Variants in GRID2 observed in about 807,000 individuals in gnomAD.
GRID2 encodes glutamate ionotropic receptor delta type subunit 2.
A neutral mutation model predicts 114.8 loss-of-function variants in GRID2; 33 were observed. That is an observed-to-expected ratio of 0.29 (90% confidence interval 0.22 to 0.38). GRID2 has a LOEUF of 0.38. Ranked by LOEUF, GRID2 falls within the 10% of genes least tolerant of loss-of-function variation. The pLI, the probability that GRID2 is intolerant of heterozygous loss-of-function variation, is 1.00. For synonymous variants in GRID2, 505 were observed against 449.9 expected, an observed-to-expected ratio of 1.12 and a Z score of -1.55; for missense variants, 1,184 against 1,257.7, an observed-to-expected ratio of 0.94 and a Z score of 0.89.
intron 13 of GRID2, among the ~76,000 whole-genome samples, chr4:93,588,742 G>A (rs1229673004): frequency 6.6e-6 from 1 of 152,168 alleles, no homozygotes; most frequent in African/African-American, 2.4e-5. Context: ...CTGGTCCCCT[G>A]AAGGCCAAGG....
chr4:93,463,857 C>G (rs1032716122), intron 11 of GRID2, among the ~76,000 whole-genome samples: 1 of 151,864 alleles, frequency 6.6e-6, no homozygotes, highest in Non-Finnish European at 1.5e-5. Flanking sequence ...GGCGTGGTGG[C>G]GGGCACCTGT....
intron 2 of GRID2, chr4:92,833,661 TA>T (rs1384807500): frequency 6.6e-5 from 10 of 152,366 alleles, no homozygotes; most frequent in African/African-American, 2.4e-4. Flanking sequence ...TACCATACCC[TA>T]AAATATTGGA....
At chr4:92,587,106 GTGTGTGTGTGTGT>G (rs1560474436) in intron 1 of GRID2, among the ~76,000 whole-genome samples, 8 of 146,546 alleles carry the variant, frequency 5.5e-5, no homozygotes, top group African/African-American at 2.1e-4. Context: ...TGCTGTGTGT[GTGTGTGTGTGTGT>G]GTGTGTGTGT....
At chr4:92,411,655 G>GTGTGTGTGTATGTATATATATATATA in intron 1 of GRID2, among the ~76,000 whole-genome samples, 2 of 84,724 alleles carry the variant, frequency 2.4e-5, no homozygotes, top group African/African-American at 1.2e-4. Flanking sequence ...GTGTGTGTGT[G>GTGTGTGTGTATGTATATATATATATA]TATATATATA....
chr4:93,795,038 T>A (rs889121105), intron 1 of GRID2, among the ~76,000 whole-genome samples: 1 of 152,198 alleles, frequency 6.6e-6, no homozygotes, highest in Non-Finnish European at 1.5e-5. Flanking sequence ...CACATTGAGT[T>A]TAAAATATCA....
rs12500864 is a variant in GRID2, at chr4:92,758,491, G to T, written c.244+168205G>T. The stretch of plus-strand genomic sequence containing the variant: ...AAGTATGAACTTTTGAGTCAAATAG[G>T]CCTGACTACAACAGGTTAAATTCCT... On this transcript the variant is annotated intron_variant, in intron 2 of 15. Coordinates refer to ENST00000282020, the MANE Select transcript of GRID2 (RefSeq NM_001510.4). 3.5e-3 allele frequency among the ~76,000 whole-genome samples: 537 copies of T among 152,070 alleles called. 5 individuals carry two copies. The highest frequency in any genetic ancestry group is 0.02 in the Admixed American group (299 of 15,274).
chr4:93,311,151 G>C (rs1755970494), intron 8 of GRID2, among the ~76,000 whole-genome samples: 1 of 152,154 alleles, frequency 6.6e-6, no homozygotes, highest in South Asian at 2.1e-4. Flanking sequence ...CCAGACACAA[G>C]AATCAAGAGT....
chr4:93,710,484 G>T (rs1189943699), intron 14 of GRID2, among the ~76,000 whole-genome samples: 1 of 152,192 alleles, frequency 6.6e-6, no homozygotes, highest in East Asian at 1.9e-4. Context: ...GAGTGACACA[G>T]CACTGCTGTA....
In GRID2 at chr4:92,861,222, C is replaced by T. The variant is rs79001341; in HGVS notation, c.245-223773C>T. On this transcript the variant is annotated intron_variant, in intron 2 of 15. Transcript: ENST00000282020. ...TTAAAAGAATAACCATTTATCAGCTCACAGTTCTGTGGGTCATAACTCAGA... is the reference window on the plus strand; with the variant it reads ...TTAAAAGAATAACCATTTATCAGCTTACAGTTCTGTGGGTCATAACTCAGA... 6.5e-3 allele frequency among the ~76,000 whole-genome samples: 993 copies of T among 152,126 alleles called. 4 individuals are homozygous for T. The highest frequency in any genetic ancestry group is 0.012 in the South Asian group (58 of 4,814).
rs1278379171 is a variant in GRID2 at position 92,475,103 on chromosome 4, A to AAAACTT, written c.89-115024_89-115019dup. Among the ~76,000 whole-genome samples, 3 of 145,026 alleles carry AAAACTT rather than the reference A, an allele frequency of 2.1e-5. No individual in the cohort carries two copies. The East Asian group carries it at 6.0e-4, about 29-fold the overall frequency. On this transcript the variant is annotated intron_variant, in intron 1 of 15. Coordinates refer to ENST00000282020, the MANE Select transcript of GRID2 (RefSeq NM_001510.4). ...CTGGCACATTGTGCATATGTACCCT[A>AAAACTT]AAACTTAAAGTATAATAATAATAAT... is the stretch of plus-strand genomic sequence containing the variant.
rs1251678509 is a variant in GRID2, at chr4:93,774,426, A to G, written c.*1928A>G. ...ACTGTTAACCATGTACAATATTTAA[A>G]ATAGGCTTATTTTGATGTATCGCCT... On this transcript the variant is annotated 3_prime_UTR_variant, in exon 16 of 16. Coordinates refer to ENST00000282020, the MANE Select transcript of GRID2 (RefSeq NM_001510.4). 2 of 152,150 alleles carry G rather than the reference A, an allele frequency of 1.3e-5. No homozygotes were observed. The highest frequency in any genetic ancestry group is 2.9e-5 in the Non-Finnish European group (2 of 67,976). The allele number at this position is 152,150 out of a possible 1,614,324, so 9.4% of individuals were successfully genotyped here.
At chr4:93,047,597 T>C (rs1174824571) in intron 2 of GRID2, among the ~76,000 whole-genome samples, 1 of 152,052 alleles carries the variant, frequency 6.6e-6, no homozygotes, top group Non-Finnish European at 1.5e-5. Context: ...TCCACACATA[T>C]ATACACATAC....
At chr4:92,607,761 T>C (rs1024262663) in intron 2 of GRID2, among the ~76,000 whole-genome samples, 7 of 151,966 alleles carry the variant, frequency 4.6e-5, no homozygotes, top group Non-Finnish European at 8.8e-5. Flanking sequence ...AATTCAACAT[T>C]GTTCAGCCTT....
chr4:92,687,683 G>T (rs1027297566), intron 2 of GRID2, among the ~76,000 whole-genome samples: 31 of 152,126 alleles, frequency 2.0e-4, no homozygotes, highest in African/African-American at 7.5e-4. Context: ...CAAAAAATTA[G>T]CTGGGCGTTG....
chr4:92,304,399 T>A lies in GRID2; in HGVS notation c.-258T>A, dbSNP rs1043188194. The A allele has an allele frequency of 1.3e-5, 7 of 546,470 alleles. No homozygotes were observed. Among genetic ancestry groups the A allele is most frequent in the Admixed American group, 3.3e-5 (1 of 30,312 alleles). The allele number at this position is 546,470 out of a possible 1,614,324, so 33.9% of individuals were successfully genotyped here. On this transcript the variant is annotated 5_prime_UTR_variant, in exon 1 of 16. Transcript: ENST00000282020. ...TGGATATATTTTTCAAAAGCCAAAC[T>A]GCAAACAACTCTGGCGATGCCAAAA...
chr4:92,837,401 T>C (rs1742534015), intron 2 of GRID2, among the ~76,000 whole-genome samples: 1 of 151,398 alleles, frequency 6.6e-6, no homozygotes, highest in African/African-American at 2.4e-5. Context: ...CAACACTACC[T>C]TCAAAAAAAT....
At chr4:93,782,982 A>C (rs570774625) in intron 1 of GRID2, among the ~76,000 whole-genome samples, 4 of 152,298 alleles carry the variant, frequency 2.6e-5, no homozygotes, top group African/African-American at 9.6e-5. Flanking sequence ...GTTGCCCTAA[A>C]TATCAACACA....
chr4:93,497,372 G>A (rs553364414), intron 12 of GRID2, among the ~76,000 whole-genome samples: 3 of 151,810 alleles, frequency 2.0e-5, no homozygotes, highest in Admixed American at 1.3e-4. Context: ...AGTTGATGAA[G>A]TGCAATGTAT....
intron 2 of GRID2, among the ~76,000 whole-genome samples, chr4:92,860,080 C>A (rs537321902): frequency 6.6e-6 from 1 of 152,172 alleles, no homozygotes; most frequent in African/African-American, 2.4e-5. Context: ...GCAATACTTA[C>A]AACAAACCAA....
Sources: allele counts gnomAD v4.1 joint callset (sites outside exome capture counted in the v4.1 genomes callset), GRCh38; gene constraint gnomAD v4.1.1; transcripts MANE v1.5; gene names NCBI Gene and HGNC (gene_info 2026-07-23, HGNC 2026-07-21).